VPS4A: variants seen among roughly 807,000 people sequenced by gnomAD.
VPS4A encodes the protein vacuolar protein sorting 4 homolog A, also known as vacuolar protein sorting-associated protein 4A.
VPS4A carries 20 observed loss-of-function variants against 52.3 expected under a neutral mutation model. The observed-to-expected ratio is 0.38, with a 90% CI of 0.27 to 0.56. The LOEUF (loss-of-function observed/expected upper bound fraction) is 0.56, where lower values mean the gene tolerates loss of function less well. Among genes scored for constraint, VPS4A ranks in the 20% least tolerant of loss-of-function variants. The probability of loss-of-function intolerance (pLI) is 0.72; values close to 1 mark genes in which losing one functional copy is unlikely to be tolerated. For missense variants in VPS4A, 419 were observed against 575.9 expected (o/e 0.73, Z 2.79); for synonymous variants, 293 against 227.7 (o/e 1.29, Z -2.58).
intron 1 of VPS4A, among the ~76,000 whole-genome samples, chr16:69,313,248 G>A (rs1965399209): frequency 2.0e-5 from 3 of 152,166 alleles, no homozygotes; most frequent in African/African-American, 7.2e-5. Flanking sequence ...GCCGCCCAAA[G>A]TGCTGGGATT....
chr16:69,320,578 CA>C lies in VPS4A; in HGVS notation c.770-109del. On this transcript the variant is annotated intron_variant, in intron 7 of 10. Coordinates refer to ENST00000254950, the MANE Select transcript of VPS4A (RefSeq NM_013245.3). This position sits in a 1 kb window ranked among gnomAD's most constrained non-coding sequence, Gnocchi z 4.2. ...GGGACCCTGCCAGTGGTGGGTGGCA[CA>C]GGGATGGCTTCAATTGCTGACACAC... 1 of 983,910 alleles carries C rather than the reference CA, an allele frequency of 1.0e-6. No individual in the cohort carries two copies. The highest frequency in any genetic ancestry group is 1.6e-5 in the African/African-American group (1 of 61,656). The allele number at this position is 983,910 out of a possible 1,614,324, so 60.9% of individuals were successfully genotyped here.
At position 69,325,245 on chromosome 16, in the gene VPS4A, A is replaced by ATGTT. The variant is rs1965573645; in HGVS notation, c.*940_*943dup. ...TAAGGCCTCAGAAGTTTGGCTGGGG[A>ATGTT]TGTTTGTGGGATCCAGACAGTTCTT... On this transcript the variant is annotated 3_prime_UTR_variant, in exon 11 of 11. Coordinates refer to ENST00000254950, the MANE Select transcript of VPS4A (RefSeq NM_013245.3). 1 of 152,184 alleles carries ATGTT rather than the reference A, an allele frequency of 6.6e-6. No homozygotes were observed. Among genetic ancestry groups the ATGTT allele is most frequent in the Admixed American group, 6.6e-5 (1 of 15,264 alleles). The allele number at this position is 152,184 out of a possible 1,614,324, so 9.4% of individuals were successfully genotyped here.
rs750712596 is a variant in VPS4A, at chr16:69,311,498, A to G, written c.-14A>G. ...AGCAGCGCCGCGGGGTGTGGGGCGG[A>G]CCCAGGAGATGAAATGACAACGTCA... On this transcript the variant is annotated 5_prime_UTR_variant, in exon 1 of 11. Coordinates refer to ENST00000254950, the MANE Select transcript of VPS4A (RefSeq NM_013245.3). The G allele has an allele frequency of 2.2e-6, 3 of 1,350,634 alleles. No individual in the cohort carries two copies. The highest frequency in any genetic ancestry group is 2.7e-5 in the Admixed American group (1 of 36,690). 83.7% of individuals were successfully genotyped at this position (1,350,634 alleles called of 1,614,324 possible).
In VPS4A at chr16:69,320,834, C is replaced by T; in HGVS notation, c.851+65C>T. The T allele has an allele frequency of 6.7e-7, 1 of 1,495,116 alleles. No individual in the cohort carries two copies. The highest frequency in any genetic ancestry group is 9.1e-7 in the Non-Finnish European group (1 of 1,096,110). The allele number at this position is 1,495,116 out of a possible 1,614,324, so 92.6% of individuals were successfully genotyped here. A position where few individuals can be genotyped will look rare whatever the true frequency, so the allele number is the denominator to read the frequency against. On this transcript the variant is annotated intron_variant, in intron 8 of 10. Transcript: ENST00000254950. The surrounding 1 kb of genome is among the most constrained non-coding windows in gnomAD (Gnocchi z 4.2). ...TCCCACCATGGTCACGGTCCGCCTG[C>T]TGCTGGCAGCCCGGGTGCAGCCTGG...
chr16:69,323,853 G>A (rs1209713918), intron 10 of VPS4A: 1 of 368,124 alleles, frequency 2.7e-6, no homozygotes, highest in African/African-American at 2.1e-5. Context: ...GGGAGGCTGA[G>A]GCAGGAGAGT....
At position 69,325,380 on chromosome 16, in the gene VPS4A, G is replaced by T. The variant is rs760725845; in HGVS notation, c.*1071G>T. 7.0e-6 allele frequency: 1 copy of T among 142,816 alleles called. No individual in the cohort carries two copies. Among genetic ancestry groups the T allele is most frequent in the African/African-American group, 2.5e-5 (1 of 40,166 alleles). The allele number at this position is 142,816 out of a possible 1,614,324, so 8.8% of individuals were successfully genotyped here. A position where few individuals can be genotyped will look rare whatever the true frequency, so the allele number is the denominator to read the frequency against. ...GGTCTGCCGCTAACATTTAAAAGTC[G>T]AGAGTTGCTGGGCGCGGTGGCTCAC... On this transcript the variant is annotated 3_prime_UTR_variant, in exon 11 of 11. Transcript: ENST00000254950.
chr16:69,321,354 C>A lies in VPS4A; in HGVS notation c.1071+84C>A. On this transcript the variant is annotated intron_variant, in intron 9 of 10. Coordinates refer to ENST00000254950, the MANE Select transcript of VPS4A (RefSeq NM_013245.3). This position sits in a 1 kb window ranked among gnomAD's most constrained non-coding sequence, Gnocchi z 4.5. ...TTTTTTTTCCCAGCTCCTGGTCCTG[C>A]TCCCCGGCTGCTCAGGTGACACAGT... 2 of 1,436,440 alleles carry A rather than the reference C, an allele frequency of 1.4e-6. No individual in the cohort carries two copies. Among genetic ancestry groups the A allele is most frequent in the South Asian group, 1.3e-5 (1 of 78,578 alleles). 89.0% of individuals were successfully genotyped at this position (1,436,440 alleles called of 1,614,324 possible). A position where few individuals can be genotyped will look rare whatever the true frequency, so the allele number is the denominator to read the frequency against.
At chr16:69,316,748 G>T (rs1381919630) in intron 3 of VPS4A, among the ~76,000 whole-genome samples, 2 of 152,212 alleles carry the variant, frequency 1.3e-5, no homozygotes, top group Non-Finnish European at 2.9e-5. Flanking sequence ...GATGACGTGG[G>T]CAGTGCCCTT....
chr16:69,320,689 G>C lies in VPS4A; in HGVS notation c.771G>C (p.Gly257=). ...IKTEFLVQMQ[G]VGNNNDGTLV... The stretch of plus-strand genomic sequence containing the variant: ...GTCTTTGTCTCCCTTTCTCCACAGG[G>C]GTGGGGAATAACAATGATGGGACTC... The change falls in exon 8 of 11, where the codon GGG becomes GGC. Residue 257 remains glycine (G), a splice_region_variant and synonymous_variant. Coordinates refer to ENST00000254950, the MANE Select transcript of VPS4A (RefSeq NM_013245.3). This position sits in a 1 kb window ranked among gnomAD's most constrained non-coding sequence, Gnocchi z 4.2. The C allele has an allele frequency of 6.2e-7, 1 of 1,601,978 alleles. No individual in the cohort carries two copies. Among genetic ancestry groups the C allele is most frequent in the Non-Finnish European group, 8.5e-7 (1 of 1,174,388 alleles).
chr16:69,322,880 C>T, intron 10 of VPS4A, 180 bp downstream of exon 10: 2 of 593,328 alleles, frequency 3.4e-6, no homozygotes, highest in Non-Finnish European at 5.3e-6. Context: ...CCAGCCTAGC[C>T]AATATGGAGA....
intron 5 of VPS4A, 143 bp from the exon 6 acceptor site, chr16:69,319,244 T>C (rs1337102732): frequency 1.6e-6 from 2 of 1,240,140 alleles, no homozygotes; most frequent in South Asian, 1.5e-5. Context: ...GCAGGGAATG[T>C]AGCTCCCATC....
In VPS4A at chr16:69,324,391, G is replaced by GCCCTGGAGCCCTGTCT; in HGVS notation, c.*82_*83insCCCTGGAGCCCTGTCT. On this transcript the variant is annotated 3_prime_UTR_variant, in exon 11 of 11. Transcript: ENST00000254950. ...CACTCCCCATGTCAACAGCCAGACA[G>GCCCTGGAGCCCTGTCT]GGCTCCAGGGCTTGTCCCAGTCAAT... is the stretch of plus-strand genomic sequence containing the variant. 7.3e-7 allele frequency: 1 copy of GCCCTGGAGCCCTGTCT among 1,378,964 alleles called. No homozygotes were observed. The highest frequency in any genetic ancestry group is 1.0e-6 in the Non-Finnish European group (1 of 986,916). 85.4% of individuals were successfully genotyped at this position (1,378,964 alleles called of 1,614,324 possible). A position where few individuals can be genotyped will look rare whatever the true frequency, so the allele number is the denominator to read the frequency against.
At position 69,326,866 on chromosome 16, in the gene VPS4A, T is replaced by C. The variant is rs746001343; in HGVS notation, c.*2557T>C. On this transcript the variant is annotated 3_prime_UTR_variant, in exon 11 of 11. Coordinates refer to ENST00000254950, the MANE Select transcript of VPS4A (RefSeq NM_013245.3). ...TCACAACGTTGACATGTATATGCGT[T>C]TTTTGTGAGTGCTTCCTGCTCAAAG... 2.0e-5 allele frequency: 3 copies of C among 152,214 alleles called. No homozygotes were observed. The highest frequency in any genetic ancestry group is 6.5e-5 in the Admixed American group (1 of 15,282). The allele number at this position is 152,214 out of a possible 1,614,324, so 9.4% of individuals were successfully genotyped here.
chr16:69,318,582 A>G, intron 3 of VPS4A, 68 bp from the exon 4 acceptor site: 1 of 1,537,144 alleles, frequency 6.5e-7, no homozygotes, highest in South Asian at 1.2e-5. Context: ...CGGAGCCTGG[A>G]CTTGCTGGGA....
At position 69,320,613 on chromosome 16, in the gene VPS4A, C is replaced by T. The variant is rs546862694; in HGVS notation, c.770-75C>T. On this transcript the variant is annotated intron_variant, in intron 7 of 10. Coordinates refer to ENST00000254950, the MANE Select transcript of VPS4A (RefSeq NM_013245.3). The surrounding 1 kb of genome is among the most constrained non-coding windows in gnomAD (Gnocchi z 4.2). ...TTCAATTGCTGACACACAAAGCCCC[C>T]GGGGTCTGTCCCCAGGTTTCAACTG... 2.6e-5 allele frequency: 34 copies of T among 1,317,972 alleles called. No individual in the cohort carries two copies. Among genetic ancestry groups the T allele is most frequent in the South Asian group, 4.0e-5 (3 of 74,874 alleles). The allele number at this position is 1,317,972 out of a possible 1,614,324, so 81.6% of individuals were successfully genotyped here.
At chr16:69,314,519 C>G (rs1184566213) in intron 1 of VPS4A, among the ~76,000 whole-genome samples, 2 of 152,072 alleles carry the variant, frequency 1.3e-5, no homozygotes, top group African/African-American at 4.8e-5. Context: ...ACAAGGGCAG[C>G]CTGTGCCTAA....
chr16:69,316,997 A>G (rs1424015888), intron 3 of VPS4A, among the ~76,000 whole-genome samples: 4 of 150,788 alleles, frequency 2.7e-5, no homozygotes, highest in Admixed American at 6.6e-5. Context: ...TCATATGAAC[A>G]CAAATGCTGG....
Position 69,320,708 on chromosome 16 carries a change from G to A in VPS4A, c.790G>A (p.Gly264Arg), listed in dbSNP as rs1439899728. 1 of 1,607,288 alleles carries A rather than the reference G, an allele frequency of 6.2e-7. No homozygotes were observed. The highest frequency in any genetic ancestry group is 8.5e-7 in the Non-Finnish European group (1 of 1,177,062). Residue 264 changes from glycine to arginine, a missense_variant, in exon 8 of 11, where the codon GGG becomes AGG. Gly to Arg is a moderately radical substitution (Grantham distance 125). Transcript: ENST00000254950. This position sits in a 1 kb window ranked among gnomAD's most constrained non-coding sequence, Gnocchi z 4.2. ...CACAGGGGTGGGGAATAACAATGAT[G>A]GGACTCTGGTTCTTGGAGCCACAAA... ...QMQGVGNNND[G>R]TLVLGATNIP... is the part of the protein sequence containing the mutation.
chr16:69,320,811 C>CCA lies in VPS4A; in HGVS notation c.851+44_851+45dup. On this transcript the variant is annotated intron_variant, in intron 8 of 10. Coordinates refer to ENST00000254950, the MANE Select transcript of VPS4A (RefSeq NM_013245.3). This position sits in a 1 kb window ranked among gnomAD's most constrained non-coding sequence, Gnocchi z 4.2. Reference sequence around the variant, plus strand: ...AGAAGCCAGGGCTGGAGGCTTCCTCCCACCATGGTCACGGTCCGCCTGCTG... The same window carrying CCA: ...AGAAGCCAGGGCTGGAGGCTTCCTCCCACACCATGGTCACGGTCCGCCTGCTG... 2 of 1,558,868 alleles carry CCA rather than the reference C, an allele frequency of 1.3e-6. No individual in the cohort carries two copies. The highest frequency in any genetic ancestry group is 1.7e-6 in the Non-Finnish European group (2 of 1,146,546).
Sources: gnomAD v4.1 joint callset for allele counts (sites outside exome capture counted in the v4.1 genomes callset) on GRCh38, gnomAD v4.1.1 for gene constraint, Gnocchi (gnomAD v3.1) non-coding constraint, MANE v1.5 for transcripts, NCBI Gene and HGNC (gene_info 2026-07-23, HGNC 2026-07-21) for gene names.